RAB40B: variants seen among roughly 807,000 people sequenced by gnomAD.
RAB40B encodes the protein ras-related protein Rab-40B.
RAB40B carries 21 observed loss-of-function variants against 24.0 expected under a neutral mutation model. That is an observed-to-expected ratio of 0.88 (90% CI 0.62 to 1.26). RAB40B has a LOEUF of 1.26. Ranked by LOEUF, RAB40B falls within the 50% of genes most tolerant of loss-of-function variation. The pLI, the probability that RAB40B is intolerant of heterozygous loss-of-function variation, is 0.00. For missense variants in RAB40B, 348 were observed against 390.5 expected (o/e 0.89, Z 0.92); for synonymous variants, 167 against 169.8 (o/e 0.98, Z 0.13).
intron 2 of RAB40B, 46 bp from the exon 3 acceptor site, chr17:82,661,093 C>T: frequency 1.2e-6 from 2 of 1,605,554 alleles, no homozygotes; most frequent in African/African-American, 1.3e-5. Flanking sequence ...AGTGCTTCTT[C>T]CTGACAACAG....
chr17:82,660,885 G>A (rs557197277), intron 3 of RAB40B, 102 bp downstream of exon 3: 104 of 1,428,506 alleles, frequency 7.3e-5, no homozygotes, highest in Non-Finnish European at 8.8e-5. Flanking sequence ...AAGCTTAACC[G>A]CCTTGTCCTC....
At chr17:82,688,077 G>T (rs990280169) in intron 1 of RAB40B, among the ~76,000 whole-genome samples, 3 of 151,952 alleles carry the variant, frequency 2.0e-5, no homozygotes, top group African/African-American at 7.3e-5. Context: ...TTTCAAAAAA[G>T]ACTTTACATC....
chr17:82,694,391 G>C (rs114455449), intron 1 of RAB40B, among the ~76,000 whole-genome samples: 7,587 of 151,526 alleles, frequency 0.05, 833 homozygotes, highest in African/African-American at 0.18. Flanking sequence ...AATTGGCCCA[G>C]TGTGGTGGCA....
At chr17:82,658,316 C>G in intron 5 of RAB40B, 175 bp downstream of exon 5, 1 of 1,067,662 alleles carries the variant, frequency 9.4e-7, no homozygotes, top group Non-Finnish European at 1.3e-6. Context: ...CAGGAGCTCC[C>G]TCATGAGCTT....
chr17:82,682,821 G>T (rs117845191), intron 1 of RAB40B, among the ~76,000 whole-genome samples: 239 of 152,174 alleles, frequency 1.6e-3, no homozygotes, highest in Non-Finnish European at 2.2e-3. Context: ...CAAAAGTAAC[G>T]AATCTCAATC....
At position 82,663,144 on chromosome 17, in the gene RAB40B, A is replaced by G. The variant is rs1296271979; in HGVS notation, c.203+1352T>C. On this transcript the variant is annotated intron_variant, in intron 2 of 5. Transcript: ENST00000571995. The surrounding 1 kb of genome is among the most constrained non-coding windows in gnomAD (Gnocchi z 6.2). The stretch of plus-strand genomic sequence containing the variant: ...CGGGGGAGTGGGGACCTGAGAGCAG[A>G]CTGGGCGGGAGGCCTGAAGCTGTGC... Among the ~76,000 whole-genome samples, 1 of 152,056 alleles carries G rather than the reference A, an allele frequency of 6.6e-6. No individual in the cohort carries two copies. Among genetic ancestry groups the G allele is most frequent in the Non-Finnish European group, 1.5e-5 (1 of 67,990 alleles).
At chr17:82,683,176 C>A (rs1196826364) in intron 1 of RAB40B, among the ~76,000 whole-genome samples, 1 of 151,846 alleles carries the variant, frequency 6.6e-6, no homozygotes, top group African/African-American at 2.4e-5. Flanking sequence ...AACAAAAAAA[C>A]CCAAAATGGA....
At chr17:82,661,818 C>T (rs1351185796) in intron 2 of RAB40B, 17 of 669,208 alleles carry the variant, frequency 2.5e-5, no homozygotes, top group South Asian at 6.9e-5. Flanking sequence ...GCCCGGCAGG[C>T]GGAGGTTGCA....
Position 82,656,029 on chromosome 17 carries a change from A to T in RAB40B, c.*1834T>A, listed in dbSNP as rs111946258. 2 of 149,684 alleles carry T rather than the reference A, an allele frequency of 1.3e-5. No individual in the cohort carries two copies. The highest frequency in any genetic ancestry group is 4.9e-5 in the African/African-American group (2 of 40,580). The allele number at this position is 149,684 out of a possible 1,614,324, so 9.3% of individuals were successfully genotyped here. A position where few individuals can be genotyped will look rare whatever the true frequency, so the allele number is the denominator to read the frequency against. ...AGTGGTACGATCTCGGCTCACTGCAACCCCTGCCTCCCAGGTTCAAGTGAT... is the reference window on the plus strand; with the variant it reads ...AGTGGTACGATCTCGGCTCACTGCATCCCCTGCCTCCCAGGTTCAAGTGAT... On this transcript the variant is annotated 3_prime_UTR_variant, in exon 6 of 6. Coordinates refer to ENST00000571995, the MANE Select transcript of RAB40B (RefSeq NM_006822.3).
At chr17:82,696,028 C>A (rs750372092) in intron 1 of RAB40B, among the ~76,000 whole-genome samples, 1 of 151,808 alleles carries the variant, frequency 6.6e-6, no homozygotes, top group Non-Finnish European at 1.5e-5. Flanking sequence ...TGACACCATG[C>A]TCGGCTAATT....
At position 82,658,498 on chromosome 17, in the gene RAB40B, C is replaced by T. The variant is rs763442000; in HGVS notation, c.558G>A (p.Pro186=). The change falls in exon 5 of 6, where the codon CCG becomes CCA. Residue 186 remains proline, a synonymous_variant. Transcript: ENST00000571995. ...AATAGCCCCTGGGCCTACCCTTGCT[C>T]GGCCGCCAGAGCCGGTCCATCCCAT... ...LRHGMDRLWR[P]SKVLSLQDLC... The T allele has an allele frequency of 1.6e-5, 26 of 1,611,698 alleles. No individual in the cohort carries two copies. Among genetic ancestry groups the T allele is most frequent in the Middle Eastern group, 2.0e-4 (1 of 4,920 alleles).
At chr17:82,687,770 C>T (rs1003519930) in intron 1 of RAB40B, among the ~76,000 whole-genome samples, 1 of 152,204 alleles carries the variant, frequency 6.6e-6, no homozygotes, top group Non-Finnish European at 1.5e-5. Context: ...GGGCAGGTGC[C>T]TTCAAGACTT....
intron 1 of RAB40B, among the ~76,000 whole-genome samples, chr17:82,683,929 A>G (rs185422566): frequency 5.7e-4 from 87 of 152,266 alleles, no homozygotes; most frequent in Admixed American, 2.7e-3. Flanking sequence ...TAAAATTACA[A>G]TAAGATACTG....
intron 1 of RAB40B, among the ~76,000 whole-genome samples, chr17:82,690,523 A>G (rs1398656227): frequency 1.5e-4 from 13 of 86,228 alleles, no homozygotes; most frequent in Middle Eastern, 0.018. Flanking sequence ...TGTGTCCAGG[A>G]GAAGATCTGC....
At chr17:82,662,054 G>A in intron 2 of RAB40B, 1 of 985,426 alleles carries the variant, frequency 1.0e-6, no homozygotes, top group Non-Finnish European at 1.2e-6. Context: ...AGTGGGCCAG[G>A]GGCTGGCCCC....
Position 82,659,608 on chromosome 17 carries a change from A to G in RAB40B, c.314T>C (p.Ile105Thr), listed in dbSNP as rs866093670. 2.5e-6 allele frequency: 4 copies of G among 1,614,156 alleles called. No individual in the cohort carries two copies. Among genetic ancestry groups the G allele is most frequent in the South Asian group, 2.2e-5 (2 of 91,086 alleles). Reference protein sequence around the residue: ...DIANRWSFDGIDRWIKEIDEH... With the variant: ...DIANRWSFDGTDRWIKEIDEH... ...ATCGATCTCCTTAATCCATCGATCA[A>G]TGCCGTCAAAAGACCAGCGGTTCGC... is the stretch of plus-strand genomic sequence containing the variant. Residue 105 changes from isoleucine to threonine, a missense_variant, in exon 4 of 6, where the codon ATT (isoleucine) becomes ACT (threonine). Transcript: ENST00000571995.
intron 1 of RAB40B, among the ~76,000 whole-genome samples, chr17:82,686,391 C>G (rs936819729): frequency 6.6e-6 from 1 of 152,240 alleles, no homozygotes; most frequent in Non-Finnish European, 1.5e-5. Context: ...GGATTATAGG[C>G]ATGAGCCACC....
intron 1 of RAB40B, among the ~76,000 whole-genome samples, chr17:82,677,537 C>T (rs1051533174): frequency 9.2e-5 from 14 of 152,198 alleles, no homozygotes; most frequent in South Asian, 2.1e-4. Flanking sequence ...GGCCCAGAGG[C>T]GGCCTGTGTT....
At chr17:82,670,595 C>A (rs988049040) in intron 1 of RAB40B, among the ~76,000 whole-genome samples, 3 of 147,274 alleles carry the variant, frequency 2.0e-5, no homozygotes, top group South Asian at 4.3e-4. Flanking sequence ...AGTGCAGTGG[C>A]GCGATCTCAG....
Sources: gnomAD v4.1 joint callset for allele counts (sites outside exome capture counted in the v4.1 genomes callset) on GRCh38, gnomAD v4.1.1 for gene constraint, Gnocchi (gnomAD v3.1) non-coding constraint, MANE v1.5 for transcripts, NCBI Gene and HGNC (gene_info 2026-07-23, HGNC 2026-07-21) for gene names.